Variants in DOCK1 observed in about 807,000 individuals in gnomAD.
DOCK1 encodes dedicator of cytokinesis protein 1.
DOCK1 carries 138 observed loss-of-function variants against 262.7 expected under a neutral mutation model. That is an observed-to-expected ratio of 0.53 (90% CI 0.46 to 0.61). The LOEUF (loss-of-function observed/expected upper bound fraction) is 0.61. DOCK1 is among the 20% of genes least tolerant of loss of function. The pLI is 0.00. For synonymous variants in DOCK1, 866 were observed against 867.4 expected, an observed-to-expected ratio of 1.00 and a Z score of 0.03; for missense variants, 1,908 against 2,370.7, an observed-to-expected ratio of 0.80 and a Z score of 4.05.
chr10:127,212,111 G>A (rs1007307296), intron 27 of DOCK1, among the ~76,000 whole-genome samples: 3 of 152,164 alleles, frequency 2.0e-5, no homozygotes, highest in Admixed American at 1.3e-4. Context: ...CCAGCTCTGT[G>A]CATCCTTTCA....
chr10:127,007,953 T>G (rs2041159718), intron 10 of DOCK1, among the ~76,000 whole-genome samples: 1 of 152,152 alleles, frequency 6.6e-6, no homozygotes, highest in Non-Finnish European at 1.5e-5. Flanking sequence ...TTGGCTTAAT[T>G]GTTTGCGGGA....
intron 29 of DOCK1, among the ~76,000 whole-genome samples, chr10:127,286,429 C>T (rs146891799): frequency 2.0e-5 from 3 of 151,992 alleles, no homozygotes; most frequent in Admixed American, 6.6e-5. Flanking sequence ...AGTGCTTTTT[C>T]GTCTTTGTTT....
At chr10:127,094,516 C>G (rs925346439) in intron 23 of DOCK1, among the ~76,000 whole-genome samples, 1 of 152,158 alleles carries the variant, frequency 6.6e-6, no homozygotes, top group African/African-American at 2.4e-5. Flanking sequence ...GGCAGTGAGT[C>G]TGAGTATTGG....
At chr10:126,907,125 A>G (rs7090068) in intron 1 of DOCK1, among the ~76,000 whole-genome samples, 150,944 of 152,270 alleles carry the variant, frequency 0.99, 74,839 homozygotes, top group South Asian at 1. Context: ...AGTCTGCATC[A>G]GAGGCGAGAG....
intron 29 of DOCK1, among the ~76,000 whole-genome samples, chr10:127,293,357 C>G (rs1477063651): frequency 6.6e-6 from 1 of 152,206 alleles, no homozygotes; most frequent in Non-Finnish European, 1.5e-5. Context: ...GGAGAGAACA[C>G]AAGTGGGCTG....
At chr10:127,330,129 A>G (rs2062913766) in intron 29 of DOCK1, among the ~76,000 whole-genome samples, 1 of 152,096 alleles carries the variant, frequency 6.6e-6, no homozygotes, top group South Asian at 2.1e-4. Context: ...AACACATTTT[A>G]TTTTCTGATG....
chr10:127,173,816 A>G (rs571910114), intron 27 of DOCK1, among the ~76,000 whole-genome samples: 57 of 152,314 alleles, frequency 3.7e-4, no homozygotes, highest in African/African-American at 1.3e-3. Flanking sequence ...TGTAAACCCA[A>G]GATTGAACAA....
chr10:127,305,264 T>C (rs1003940992), intron 29 of DOCK1, among the ~76,000 whole-genome samples: 3 of 152,104 alleles, frequency 2.0e-5, no homozygotes, highest in South Asian at 2.1e-4. Context: ...CAAGGAGAAT[T>C]GGTATTAAGT....
chr10:126,988,523 A>G (rs1302610581), intron 5 of DOCK1: 1 of 152,244 alleles, frequency 6.6e-6, no homozygotes, highest in East Asian at 1.9e-4. Flanking sequence ...AAAGTTAGCC[A>G]TGAATGTTTT....
At chr10:127,396,664 T>C (rs1435341832) in intron 38 of DOCK1, among the ~76,000 whole-genome samples, 3 of 151,456 alleles carry the variant, frequency 2.0e-5, no homozygotes, top group Non-Finnish European at 4.4e-5. Flanking sequence ...GGCAACTGTA[T>C]CTCTTGCTGC....
rs1185967175 is a variant in DOCK1 at position 127,263,477 on chromosome 10, T to TATCA, written c.3044+6048_3044+6049insATCA. ...AGATGGGAACTGATAGGCGATGGCCTGACATTATAGCTGTGCTCTAGGATA... is the reference window on the plus strand; with the variant it reads ...AGATGGGAACTGATAGGCGATGGCCTATCAGACATTATAGCTGTGCTCTAGGATA... On this transcript the variant is annotated intron_variant, in intron 29 of 51. Coordinates refer to ENST00000623213, the MANE Select transcript of DOCK1 (RefSeq NM_001290223.2). 3.3e-5 allele frequency among the ~76,000 whole-genome samples: 5 copies of TATCA among 152,254 alleles called. No homozygotes were observed. In the East Asian group the frequency reaches 9.6e-4, roughly 29 times the overall value.
At chr10:126,923,556 G>A (rs1446410171) in intron 1 of DOCK1, among the ~76,000 whole-genome samples, 4 of 152,126 alleles carry the variant, frequency 2.6e-5, no homozygotes, top group African/African-American at 4.8e-5. Flanking sequence ...CCCGGGAGGC[G>A]GAGGTTGCAG....
chr10:127,449,905 A>G (rs1217138233), intron 51 of DOCK1, among the ~76,000 whole-genome samples: 2 of 152,136 alleles, frequency 1.3e-5, no homozygotes, highest in Non-Finnish European at 2.9e-5. Context: ...CATTTTGCTT[A>G]ATGGTGATAA....
intron 6 of DOCK1, among the ~76,000 whole-genome samples, chr10:126,991,828 C>T (rs549336901): frequency 3.3e-5 from 5 of 152,182 alleles, no homozygotes; most frequent in East Asian, 1.9e-4. Flanking sequence ...TGCTCCCAGC[C>T]GGAAATCTCA....
At chr10:126,956,464 AG>A (rs2036745923) in intron 1 of DOCK1, among the ~76,000 whole-genome samples, 2 of 152,092 alleles carry the variant, frequency 1.3e-5, no homozygotes, top group African/African-American at 4.8e-5. Flanking sequence ...GGGGCTCAGG[AG>A]GGGAGCACAG....
chr10:127,173,228 A>G (rs916872380), intron 27 of DOCK1, among the ~76,000 whole-genome samples: 6 of 145,806 alleles, frequency 4.1e-5, no homozygotes, highest in African/African-American at 1.5e-4. Context: ...AGGTCACCCC[A>G]TGTCATTCCA....
At chr10:127,375,187 TC>T (rs2134049655) in intron 35 of DOCK1, among the ~76,000 whole-genome samples, 1 of 152,362 alleles carries the variant, frequency 6.6e-6, no homozygotes, top group African/African-American at 2.4e-5. Context: ...CAAGCTCAGA[TC>T]CCGGCCAGCC....
chr10:127,101,072 T>C (rs538591567), intron 23 of DOCK1, among the ~76,000 whole-genome samples: 30 of 151,650 alleles, frequency 2.0e-4, no homozygotes, highest in Middle Eastern at 6.8e-3. Context: ...GGGGAAGAGG[T>C]TGGAGCCCCA....
At chr10:127,255,805 G>A (rs2059809197) in intron 28 of DOCK1, among the ~76,000 whole-genome samples, 1 of 152,228 alleles carries the variant, frequency 6.6e-6, no homozygotes, top group Admixed American at 6.5e-5. Context: ...AAGAAAGCCA[G>A]CAATTTCATG....
Sources: allele counts gnomAD v4.1 joint callset (sites outside exome capture counted in the v4.1 genomes callset), GRCh38; gene constraint gnomAD v4.1.1; transcripts MANE v1.5; gene names NCBI Gene and HGNC (gene_info 2026-07-23, HGNC 2026-07-21).